PLXNA4: variants seen among roughly 807,000 people sequenced by gnomAD.
PLXNA4 encodes the protein plexin-A4.
Under a neutral mutation model 191.8 loss-of-function variants are expected in PLXNA4, and 44 were observed. That is an observed-to-expected ratio of 0.23 (90% CI 0.18 to 0.29). The LOEUF is 0.29. Ranked by LOEUF, PLXNA4 falls within the 10% of genes least tolerant of loss-of-function variation. The probability of loss-of-function intolerance (pLI) is 1.00; values close to 1 mark genes in which losing one functional copy is unlikely to be tolerated. For synonymous variants in PLXNA4, 1,082 were observed against 1,009.5 expected (o/e 1.07, Z -1.36); for missense variants, 1,800 against 2,488.8 (o/e 0.72, Z 5.89).
intron 3 of PLXNA4, among the ~76,000 whole-genome samples, chr7:132,339,402 T>C (rs1802939095): frequency 1.3e-5 from 2 of 152,232 alleles, no homozygotes; most frequent in Admixed American, 1.3e-4. Flanking sequence ...TCTTGCAACT[T>C]AAATTTAACA....
At chr7:132,646,532 A>T (rs1803873445) in intron 1 of PLXNA4, among the ~76,000 whole-genome samples, 1 of 152,108 alleles carries the variant, frequency 6.6e-6, no homozygotes, top group Non-Finnish European at 1.5e-5. Flanking sequence ...GAAGAGGAAG[A>T]GAGACCAGAG....
rs1364196997 is a variant in PLXNA4, at chr7:132,127,295, A to G, written c.*3184T>C. 6.6e-6 allele frequency: 1 copy of G among 152,106 alleles called. No homozygotes were observed. The highest frequency in any genetic ancestry group is 2.4e-5 in the African/African-American group (1 of 41,414). 9.4% of individuals were successfully genotyped at this position (152,106 alleles called of 1,614,324 possible). On this transcript the variant is annotated 3_prime_UTR_variant, in exon 32 of 32. Transcript: ENST00000321063. Reference sequence around the variant, plus strand: ...TCCTTCTGTCTGCTCATGACTCAACATAATGGTGACCCTACAAATTAACTT... The same window carrying G: ...TCCTTCTGTCTGCTCATGACTCAACGTAATGGTGACCCTACAAATTAACTT...
intron 2 of PLXNA4, among the ~76,000 whole-genome samples, chr7:132,595,347 G>T (rs577611998): frequency 6.6e-6 from 1 of 152,130 alleles, no homozygotes; most frequent in African/African-American, 2.4e-5. Context: ...TGGCAGACTC[G>T]ATTACACAGG....
At chr7:132,243,341 C>T (rs1048557324) in intron 4 of PLXNA4, among the ~76,000 whole-genome samples, 3 of 152,150 alleles carry the variant, frequency 2.0e-5, no homozygotes, top group Admixed American at 6.5e-5. Context: ...AGCATTTTCT[C>T]GCTCTAAACT....
intron 2 of PLXNA4, among the ~76,000 whole-genome samples, chr7:132,506,105 C>A (rs1798454298): frequency 6.6e-6 from 1 of 152,098 alleles, no homozygotes; most frequent in African/African-American, 2.4e-5. Flanking sequence ...GACGACATCT[C>A]TTAGTTTCAG....
chr7:132,161,851 C>G (rs1302708882), intron 24 of PLXNA4, among the ~76,000 whole-genome samples: 3 of 152,150 alleles, frequency 2.0e-5, no homozygotes, highest in Non-Finnish European at 2.9e-5. Context: ...CGTGGGTACC[C>G]AGTGCTCTAG....
rs575662071 is a variant in PLXNA4 at position 132,130,736 on chromosome 7, T to C, written c.5590-162A>G. On this transcript the variant is annotated intron_variant, in intron 31 of 31. Coordinates refer to ENST00000321063, the MANE Select transcript of PLXNA4 (RefSeq NM_020911.2). ...GGGGTAGGAGGAGACCTGGGGAGCA[T>C]GGGCAGGAAGTTGTGGCAGGCATAG... 1.6e-4 allele frequency among the ~76,000 whole-genome samples: 24 copies of C among 152,208 alleles called. No individual in the cohort carries two copies. In the South Asian group the frequency reaches 4.6e-3, roughly 29 times the overall value.
At chr7:132,237,966 C>T (rs141003425) in intron 5 of PLXNA4, among the ~76,000 whole-genome samples, 135 of 152,282 alleles carry the variant, frequency 8.9e-4, no homozygotes, top group African/African-American at 3.1e-3. Flanking sequence ...TTTTAGCTCT[C>T]GCTCTATGAA....
chr7:132,581,719 C>T (rs993696591), upstream of PLXNA4, among the ~76,000 whole-genome samples: 5 of 151,866 alleles, frequency 3.3e-5, no homozygotes, highest in Admixed American at 1.3e-4. Context: ...GGAGGACACC[C>T]CTCTCCTCCT....
chr7:132,555,819 G>A (rs1240049670), intron 1 of PLXNA4, among the ~76,000 whole-genome samples: 3 of 152,196 alleles, frequency 2.0e-5, no homozygotes, highest in Non-Finnish European at 4.4e-5. Flanking sequence ...AACCAGGGCT[G>A]GTGACTTAGC....
intron 25 of PLXNA4, among the ~76,000 whole-genome samples, chr7:132,158,395 C>T (rs1279342489): frequency 2.0e-5 from 3 of 152,166 alleles, no homozygotes; most frequent in Non-Finnish European, 2.9e-5. Context: ...GAGGGGTCCT[C>T]CCACCACTAT....
chr7:132,247,599 TG>T (rs1417070214), intron 4 of PLXNA4, among the ~76,000 whole-genome samples: 3 of 152,124 alleles, frequency 2.0e-5, no homozygotes. Flanking sequence ...GTAATACACA[TG>T]GGTCTTAGTG....
rs79248424 is a variant in PLXNA4 at position 132,618,258 on chromosome 7, A to G, written c.-87+27670T>C. Among the ~76,000 whole-genome samples the G allele has an allele frequency of 5.4e-3, 823 of 152,314 alleles. 5 individuals carry two copies. The highest frequency in any genetic ancestry group is 0.019 in the African/African-American group (798 of 41,562). On this transcript the variant is annotated intron_variant, in intron 2 of 4. Transcript: ENST00000378539. The stretch of plus-strand genomic sequence containing the variant: ...GCAAGCCATGTGGCCTTCCTCAGGA[A>G]GCTTTTCCTCCTACCTCACCATGGC...
intron 3 of PLXNA4, among the ~76,000 whole-genome samples, chr7:132,480,836 G>C (rs1585198833): frequency 6.6e-6 from 1 of 152,342 alleles, no homozygotes; most frequent in African/African-American, 2.4e-5. Flanking sequence ...GGTGATGTGA[G>C]AGCAGCCATG....
At chr7:132,399,206 G>T (rs1166639061) in intron 3 of PLXNA4, among the ~76,000 whole-genome samples, 2 of 152,104 alleles carry the variant, frequency 1.3e-5, no homozygotes, top group African/African-American at 4.8e-5. Flanking sequence ...GATTCAAATG[G>T]GCGCAAGGGC....
chr7:132,242,247 G>T (rs1336572989), intron 4 of PLXNA4, among the ~76,000 whole-genome samples: 6 of 151,672 alleles, frequency 4.0e-5, no homozygotes, highest in Admixed American at 3.9e-4. Context: ...TGAGCTAAGA[G>T]AATTTGATGT....
At chr7:132,225,681 G>A (rs756045570) in intron 8 of PLXNA4, among the ~76,000 whole-genome samples, 1 of 152,112 alleles carries the variant, frequency 6.6e-6, no homozygotes, top group South Asian at 2.1e-4. Flanking sequence ...AGCCTGGGCA[G>A]CCTGTGGGGA....
chr7:132,191,591 C>T (rs1014988821), intron 14 of PLXNA4, among the ~76,000 whole-genome samples: 14 of 152,268 alleles, frequency 9.2e-5, no homozygotes, highest in African/African-American at 2.6e-4. Context: ...CATTCAGGAT[C>T]ACTGCCAAGA....
chr7:132,339,853 T>C (rs1221450833), intron 3 of PLXNA4, among the ~76,000 whole-genome samples: 1 of 152,218 alleles, frequency 6.6e-6, no homozygotes, highest in Non-Finnish European at 1.5e-5. Context: ...ACTGGAAGTT[T>C]CTTTATAAAA....
Sources: gnomAD v4.1 joint callset for allele counts (sites outside exome capture counted in the v4.1 genomes callset) on GRCh38, gnomAD v4.1.1 for gene constraint, MANE v1.5 for transcripts, NCBI Gene and HGNC (gene_info 2026-07-23, HGNC 2026-07-21) for gene names.